The following ARHGEF12 variants were observed in gnomAD, a reference collection of about 807,000 sequenced individuals.
ARHGEF12 encodes KMT2A/ARHGEF12 fusion protein.
In ARHGEF12, 66 loss-of-function variants were observed where a neutral mutation model predicts 211.2. The ratio of observed to expected loss-of-function variants is 0.31; its 90% CI spans 0.26 to 0.38. The LOEUF is 0.38. Ranked by LOEUF, ARHGEF12 falls within the 10% of genes least tolerant of loss-of-function variation. The probability of loss-of-function intolerance (pLI) is 1.00; values close to 1 mark genes in which losing one functional copy is unlikely to be tolerated. For synonymous variants in ARHGEF12, 592 were observed against 638.4 expected, an observed-to-expected ratio of 0.93 and a Z score of 1.09; for missense variants, 1,429 against 1,869.5, an observed-to-expected ratio of 0.76 and a Z score of 4.34.
Position 120,486,563 on chromosome 11 carries a change from A to AT in ARHGEF12, c.*1492dup, listed in dbSNP as rs762249046. Reference sequence around the variant, plus strand: ...GGTTTTCCTTGTGCATTAGGTATATATTTTTTGAAGTATTTTTGCCAACTA... The same window carrying AT: ...GGTTTTCCTTGTGCATTAGGTATATATTTTTTTGAAGTATTTTTGCCAACTA... On this transcript the variant is annotated 3_prime_UTR_variant, in exon 41 of 41. Coordinates refer to ENST00000397843, the MANE Select transcript of ARHGEF12 (RefSeq NM_015313.3). 3 of 226,786 alleles carry AT rather than the reference A, an allele frequency of 1.3e-5. No homozygotes were observed. The highest frequency in any genetic ancestry group is 2.2e-5 in the African/African-American group (1 of 45,016). 14.0% of individuals were successfully genotyped at this position (226,786 alleles called of 1,614,324 possible).
At chr11:120,438,160 A>T (rs190074668) in intron 12 of ARHGEF12, among the ~76,000 whole-genome samples, 87 of 152,370 alleles carry the variant, frequency 5.7e-4, no homozygotes, top group African/African-American at 1.9e-3. Context: ...AGTAAAAGAT[A>T]CAACAGCATT....
At chr11:120,402,576 C>G (rs1469233894) in intron 1 of ARHGEF12, among the ~76,000 whole-genome samples, 1 of 152,154 alleles carries the variant, frequency 6.6e-6, no homozygotes, top group African/African-American at 2.4e-5. Context: ...TTAACCATCT[C>G]CCCTTCATTT....
chr11:120,367,119 CT>C (rs1424521597), intron 1 of ARHGEF12, among the ~76,000 whole-genome samples: 1 of 151,966 alleles, frequency 6.6e-6, no homozygotes, highest in Non-Finnish European at 1.5e-5. Flanking sequence ...GCATCTGATT[CT>C]TTTGGTGCTT....
At chr11:120,470,144 T>G (rs1467167559) in intron 30 of ARHGEF12, among the ~76,000 whole-genome samples, 1 of 152,228 alleles carries the variant, frequency 6.6e-6, no homozygotes, top group African/African-American at 2.4e-5. Context: ...TTGATTTGTC[T>G]TCTTAAGTGC....
intron 1 of ARHGEF12, among the ~76,000 whole-genome samples, chr11:120,366,447 C>G (rs1334618049): frequency 6.6e-6 from 1 of 152,168 alleles, no homozygotes; most frequent in African/African-American, 2.4e-5. Context: ...CGTGAGCCAC[C>G]AACCCTGCCC....
chr11:120,474,948 GT>G (rs1356905001), intron 32 of ARHGEF12, among the ~76,000 whole-genome samples: 2 of 152,116 alleles, frequency 1.3e-5, no homozygotes, highest in African/African-American at 4.8e-5. Flanking sequence ...ATGAGGAACC[GT>G]TTTTGTTTTT....
chr11:120,426,141 A>G (rs2135702820), intron 7 of ARHGEF12, among the ~76,000 whole-genome samples: 1 of 152,306 alleles, frequency 6.6e-6, no homozygotes, highest in East Asian at 1.9e-4. Flanking sequence ...ACTTGAATAA[A>G]CTTGACCACT....
chr11:120,429,396 G>T (rs759625801), intron 8 of ARHGEF12, 44 bp from the exon 9 acceptor site: 16 of 1,507,072 alleles, frequency 1.1e-5, no homozygotes, highest in Non-Finnish European at 1.4e-5. Flanking sequence ...GCTTCATTTT[G>T]TCTATACTGG....
chr11:120,383,709 A>C (rs1245722911), intron 1 of ARHGEF12, among the ~76,000 whole-genome samples: 1 of 152,138 alleles, frequency 6.6e-6, no homozygotes, highest in East Asian at 1.9e-4. Context: ...AATACAGCTG[A>C]AGCTTCACTT....
At chr11:120,416,826 A>AT (rs1945041680) in intron 4 of ARHGEF12, among the ~76,000 whole-genome samples, 1 of 151,974 alleles carries the variant, frequency 6.6e-6, no homozygotes, top group Non-Finnish European at 1.5e-5. Context: ...TAGTTTTTGT[A>AT]TTTTTAGTAG....
At chr11:120,356,268 T>G (rs1252495940) in intron 1 of ARHGEF12, among the ~76,000 whole-genome samples, 1 of 152,240 alleles carries the variant, frequency 6.6e-6, no homozygotes, top group Non-Finnish European at 1.5e-5. Context: ...TCTCCCAGGC[T>G]GGAGTGCCGT....
chr11:120,426,180 G>A (rs1488350965), intron 7 of ARHGEF12, among the ~76,000 whole-genome samples: 1 of 152,130 alleles, frequency 6.6e-6, no homozygotes, highest in African/African-American at 2.4e-5. Context: ...TTTATAAATT[G>A]TTATGTGCTG....
chr11:120,417,885 G>A (rs1945078002), intron 4 of ARHGEF12, among the ~76,000 whole-genome samples: 1 of 152,052 alleles, frequency 6.6e-6, no homozygotes, highest in African/African-American at 2.4e-5. Flanking sequence ...TATTTTATAG[G>A]TGTCCTAATT....
At chr11:120,395,546 C>T (rs190708206) in intron 1 of ARHGEF12, among the ~76,000 whole-genome samples, 12 of 152,210 alleles carry the variant, frequency 7.9e-5, no homozygotes, top group South Asian at 2.1e-4. Flanking sequence ...AAGACATATC[C>T]GAGACTGGGT....
intron 1 of ARHGEF12, among the ~76,000 whole-genome samples, chr11:120,396,868 A>G (rs1235195629): frequency 1.3e-5 from 2 of 152,182 alleles, no homozygotes; most frequent in East Asian, 1.9e-4. Context: ...AGATAACACA[A>G]TTCAACCTGC....
At chr11:120,468,405 A>G (rs76046703) in intron 29 of ARHGEF12, among the ~76,000 whole-genome samples, 1 of 152,198 alleles carries the variant, frequency 6.6e-6, no homozygotes, top group Non-Finnish European at 1.5e-5. Flanking sequence ...TCTTTGTATT[A>G]TAGACATGAC....
chr11:120,411,373 A>G (rs1475071322), intron 4 of ARHGEF12: 3 of 152,092 alleles, frequency 2.0e-5, no homozygotes. Context: ...AGCATAGATG[A>G]AAAAGTCTCT....
intron 1 of ARHGEF12, among the ~76,000 whole-genome samples, chr11:120,388,056 G>A (rs561834841): frequency 5.3e-4 from 81 of 152,128 alleles, no homozygotes; most frequent in Non-Finnish European, 9.3e-4. Context: ...CACCCCAAAG[G>A]TTTCCTTGTG....
At chr11:120,417,882 T>C (rs1945077913) in intron 4 of ARHGEF12, among the ~76,000 whole-genome samples, 2 of 152,208 alleles carry the variant, frequency 1.3e-5, no homozygotes, top group Non-Finnish European at 2.9e-5. Flanking sequence ...TCCTATTTTA[T>C]AGGTGTCCTA....
Sources: gnomAD v4.1 joint callset for allele counts (sites outside exome capture counted in the v4.1 genomes callset) on GRCh38, gnomAD v4.1.1 for gene constraint, MANE v1.5 for transcripts, NCBI Gene and HGNC (gene_info 2026-07-23, HGNC 2026-07-21) for gene names.